Variants in TSHZ3 observed in about 807,000 individuals in gnomAD.
TSHZ3 encodes teashirt homolog 3.
TSHZ3 carries 10 observed loss-of-function variants against 64.5 expected under a neutral mutation model. That is an observed-to-expected ratio of 0.16 (90% confidence interval 0.10 to 0.26). The LOEUF (loss-of-function observed/expected upper bound fraction) is 0.26. Ranked by LOEUF, TSHZ3 falls within the 10% of genes least tolerant of loss-of-function variation. TSHZ3 has a pLI of 1.00. For missense variants in TSHZ3, 1,242 were observed against 1,421.7 expected (o/e 0.87, Z 2.03); for synonymous variants, 608 against 593.1 (o/e 1.03, Z -0.36).
intron 4 of TSHZ3, among the ~76,000 whole-genome samples, chr19:31,219,958 T>TC (rs1453983935): frequency 6.6e-6 from 1 of 152,034 alleles, no homozygotes; most frequent in Non-Finnish European, 1.5e-5. Context: ...GATCAATTGA[T>TC]TATTTGATCA....
At chr19:31,231,608 A>G (rs755354863) in intron 3 of TSHZ3, among the ~76,000 whole-genome samples, 29 of 152,204 alleles carry the variant, frequency 1.9e-4, no homozygotes, top group Non-Finnish European at 2.8e-4. Flanking sequence ...TATCTGAGTT[A>G]TATATCTTGC....
In TSHZ3 at chr19:31,306,965, C is replaced by T. The variant is rs560418756; in HGVS notation, c.41-27213G>A. ...AAGATTTAGAGTTCTCTCCTGCAGA[C>T]TTGGAGTCCTCCTTTCTAAATATTT... On this transcript the variant is annotated intron_variant, in intron 1 of 1. Transcript: ENST00000240587. Among the ~76,000 whole-genome samples the T allele has an allele frequency of 2.0e-5, 3 of 152,204 alleles. No homozygotes were observed. The East Asian group carries it at 5.8e-4, about 29-fold the overall frequency.
chr19:31,188,423 G>T (rs892258351), intron 5 of TSHZ3, among the ~76,000 whole-genome samples: 116 of 152,008 alleles, frequency 7.6e-4, no homozygotes, highest in African/African-American at 2.6e-3. Flanking sequence ...TGGATGTGAT[G>T]AAAGTGAATT....
In TSHZ3 at chr19:31,224,161, T is replaced by C. The variant is rs138226585; in HGVS notation, n.686+3844A>G. Among the ~76,000 whole-genome samples, 21 of 152,348 alleles carry C rather than the reference T, an allele frequency of 1.4e-4. No individual in the cohort carries two copies. In the East Asian group the frequency reaches 3.5e-3, roughly 25 times the overall value. ...TAGACAGGTTGGTGCCATTGTGTTC[T>C]GGCACCATGAAAAGCATTAAATAAG... On this transcript the variant is annotated intron_variant and non_coding_transcript_variant, in intron 4 of 6. Coordinates refer to the TSHZ3 transcript ENST00000651361.
At chr19:31,232,245 A>G (rs1975551022) in intron 3 of TSHZ3, among the ~76,000 whole-genome samples, 1 of 152,214 alleles carries the variant, frequency 6.6e-6, no homozygotes, top group Admixed American at 6.5e-5. Flanking sequence ...TCGCCAGTCC[A>G]GAGAATCGAG....
At chr19:31,229,881 A>C (rs143741625) in intron 3 of TSHZ3, among the ~76,000 whole-genome samples, 1 of 152,356 alleles carries the variant, frequency 6.6e-6, no homozygotes, top group African/African-American at 2.4e-5. Context: ...TTCAGCTATT[A>C]CACTGACATT....
chr19:31,214,266 A>C (rs1047775242), intron 4 of TSHZ3, among the ~76,000 whole-genome samples: 1 of 152,188 alleles, frequency 6.6e-6, no homozygotes, highest in Non-Finnish European at 1.5e-5. Context: ...GGGTAACCAG[A>C]GGCTGCATGA....
chr19:31,239,927 T>G (rs1175525295), intron 3 of TSHZ3, among the ~76,000 whole-genome samples: 3 of 152,210 alleles, frequency 2.0e-5, no homozygotes, highest in South Asian at 2.1e-4. Context: ...TAAGTTATTT[T>G]TATCCTTTTG....
intron 1 of TSHZ3, among the ~76,000 whole-genome samples, chr19:31,298,386 A>G (rs1405579006): frequency 1.3e-5 from 2 of 152,086 alleles, no homozygotes; most frequent in African/African-American, 2.4e-5. Context: ...ATACTCAGTC[A>G]ATTTCTTTGA....
At chr19:31,199,186 A>G (rs1000159902) in intron 5 of TSHZ3, among the ~76,000 whole-genome samples, 13 of 152,088 alleles carry the variant, frequency 8.5e-5, no homozygotes, top group Admixed American at 1.3e-4. Flanking sequence ...CAGGCGGATC[A>G]CAAGGTCAAA....
chr19:31,216,934 G>A (rs1440646496), intron 4 of TSHZ3, among the ~76,000 whole-genome samples: 1 of 152,022 alleles, frequency 6.6e-6, no homozygotes, highest in African/African-American at 2.4e-5. Context: ...GGGATTACAG[G>A]CATGAGCCAC....
chr19:31,350,405 C>T (rs1231595214), upstream of TSHZ3, among the ~76,000 whole-genome samples: 1 of 151,656 alleles, frequency 6.6e-6, no homozygotes, highest in African/African-American at 2.4e-5. Flanking sequence ...ATCAGGGTCC[C>T]TCCACCCCGC....
chr19:31,235,696 C>CTTTTTTTT (rs1568355733), intron 3 of TSHZ3, among the ~76,000 whole-genome samples: 4 of 75,086 alleles, frequency 5.3e-5, no homozygotes, highest in African/African-American at 2.4e-4. Flanking sequence ...TTCTCCTCTT[C>CTTTTTTTT]TTCTTTTTTT....
chr19:31,224,964 G>A (rs561648168), intron 4 of TSHZ3, among the ~76,000 whole-genome samples: 1 of 152,258 alleles, frequency 6.6e-6, no homozygotes, highest in Non-Finnish European at 1.5e-5. Flanking sequence ...AGAAGCCCCA[G>A]GGCCCCTGTT....
intron 5 of TSHZ3, among the ~76,000 whole-genome samples, chr19:31,202,303 G>A (rs1327513884): frequency 6.6e-6 from 1 of 152,038 alleles, no homozygotes; most frequent in Non-Finnish European, 1.5e-5. Context: ...ATATAAAATT[G>A]TAATTTCCCA....
chr19:31,306,526 C>T (rs1053273474), intron 1 of TSHZ3, among the ~76,000 whole-genome samples: 7 of 152,228 alleles, frequency 4.6e-5, no homozygotes, highest in East Asian at 1.9e-4. Context: ...CGTGCACGTG[C>T]GTGGGTGCGC....
intron 1 of TSHZ3, among the ~76,000 whole-genome samples, chr19:31,267,302 C>A (rs537728472): frequency 2.8e-4 from 43 of 152,008 alleles, no homozygotes; most frequent in Non-Finnish European, 6.0e-4. Flanking sequence ...GTCCAGGAGA[C>A]TGACCTGGGC....
intron 1 of TSHZ3, among the ~76,000 whole-genome samples, chr19:31,343,623 CTT>C (rs889893056): frequency 6.8e-6 from 1 of 146,648 alleles, no homozygotes; most frequent in Non-Finnish European, 1.5e-5. Context: ...CTATTACTGT[CTT>C]TTTTTTTTTA....
chr19:31,286,559 T>G lies in TSHZ3; in HGVS notation c.41-6807A>C, dbSNP rs77112780. Among the ~76,000 whole-genome samples the G allele has an allele frequency of 9.8e-3, 1,487 of 152,338 alleles. 12 individuals carry two copies. Among genetic ancestry groups the G allele is most frequent in the Non-Finnish European group, 0.015 (1,010 of 68,024 alleles). On this transcript the variant is annotated intron_variant, in intron 1 of 1. Transcript: ENST00000240587. The stretch of plus-strand genomic sequence containing the variant: ...GGCTAGTTCCACAGCACACTTGCAC[T>G]GAGGAACCAGTTCTGACCCCAAGCC...
Sources: gnomAD v4.1 joint callset for allele counts (sites outside exome capture counted in the v4.1 genomes callset) on GRCh38, gnomAD v4.1.1 for gene constraint, MANE v1.5 for transcripts, NCBI Gene and HGNC (gene_info 2026-07-23, HGNC 2026-07-21) for gene names.